The following RGS8 variants were observed in gnomAD, a reference collection of about 807,000 sequenced individuals.
The protein encoded by RGS8 is regulator of G-protein signaling 8.
Under a neutral mutation model 21.7 loss-of-function variants are expected in RGS8, and 8 were observed. That is an observed-to-expected ratio of 0.37 (90% CI 0.22 to 0.66). The LOEUF (loss-of-function observed/expected upper bound fraction) is 0.66. RGS8 is among the 30% of genes least tolerant of loss of function. The probability of loss-of-function intolerance (pLI) is 0.59; values close to 1 mark genes in which losing one functional copy is unlikely to be tolerated. For missense variants in RGS8, 157 were observed against 217.9 expected (o/e 0.72, Z 1.76); for synonymous variants, 80 against 83.6 (o/e 0.96, Z 0.24).
chr1:182,738,835 G>A, the RGS8 span, among the ~76,000 whole-genome samples: 1 of 152,214 alleles, frequency 6.6e-6, no homozygotes, highest in East Asian at 1.9e-4. Flanking sequence ...AGGGGTTAGG[G>A]CAGGGTGAAG....
intron 1 of RGS8, among the ~76,000 whole-genome samples, chr1:182,681,062 A>C (rs1664520085): frequency 6.6e-6 from 1 of 152,252 alleles, no homozygotes; most frequent in Non-Finnish European, 1.5e-5. Flanking sequence ...ATATATAAGT[A>C]AACATGGGCT....
chr1:182,707,941 C>T, the RGS8 span, among the ~76,000 whole-genome samples: 6 of 152,070 alleles, frequency 3.9e-5, no homozygotes, highest in Non-Finnish European at 5.9e-5. Context: ...CTCCTGACCT[C>T]GTGATCCACC....
At chr1:182,661,535 G>T (rs1285771639) in intron 5 of RGS8, among the ~76,000 whole-genome samples, 1 of 151,852 alleles carries the variant, frequency 6.6e-6, no homozygotes, top group Non-Finnish European at 1.5e-5. Flanking sequence ...GAGAAATAAG[G>T]GAAGGAAGGG....
upstream of RGS8, among the ~76,000 whole-genome samples, chr1:182,687,028 A>G (rs1488284591): frequency 6.6e-6 from 1 of 152,136 alleles, no homozygotes; most frequent in Non-Finnish European, 1.5e-5. Flanking sequence ...GAAAATGGCA[A>G]AAAGAATTTT....
chr1:182,689,295 ACAC>A (rs1178985525), upstream of RGS8, among the ~76,000 whole-genome samples: 7 of 148,890 alleles, frequency 4.7e-5, no homozygotes, highest in African/African-American at 1.8e-4. Context: ...ACACACACAC[ACAC>A]ACACACACCC....
At chr1:182,682,479 T>C (rs1222683977) in intron 1 of RGS8, among the ~76,000 whole-genome samples, 2 of 152,096 alleles carry the variant, frequency 1.3e-5, no homozygotes, top group African/African-American at 4.8e-5. Context: ...TGAGCCTCAA[T>C]TTGTTCTAGG....
At chr1:182,645,369 G>C (rs532827658), downstream of RGS8, 1 of 152,130 alleles carries the variant, frequency 6.6e-6, no homozygotes, top group Non-Finnish European at 1.5e-5. Context: ...TTCACTTTCC[G>C]GTCTCTCTGC....
At chr1:182,682,031 A>G (rs1664551625) in intron 1 of RGS8, among the ~76,000 whole-genome samples, 1 of 152,242 alleles carries the variant, frequency 6.6e-6, no homozygotes, top group Non-Finnish European at 1.5e-5. Context: ...AGGGGAAGCA[A>G]GAAAGCATTT....
the RGS8 span, among the ~76,000 whole-genome samples, chr1:182,711,087 A>C: frequency 3.9e-5 from 6 of 152,206 alleles, no homozygotes; most frequent in Non-Finnish European, 7.3e-5. Flanking sequence ...CCCAAGAAGG[A>C]GATCACACAA....
chr1:182,751,127 C>A, the RGS8 span, among the ~76,000 whole-genome samples: 1 of 152,124 alleles, frequency 6.6e-6, no homozygotes, highest in Admixed American at 6.5e-5. Context: ...GCAGGGGAAG[C>A]AACTTCATTT....
In RGS8 at chr1:182,671,319, T is replaced by C. The variant is rs532750397; in HGVS notation, c.-104+338A>G. 2.5e-4 allele frequency among the ~76,000 whole-genome samples: 38 copies of C among 152,310 alleles called. No individual in the cohort carries two copies. In the South Asian group the frequency reaches 3.7e-3, roughly 15 times the overall value. The stretch of plus-strand genomic sequence containing the variant: ...AGCACCTCAGGGCTTTTATCCCATT[T>C]GGCCCTGGACTTCTGAGAGTTAGGA... On this transcript the variant is annotated intron_variant, in intron 2 of 6. Coordinates refer to ENST00000483095, the Ensembl canonical transcript of RGS8.
the RGS8 span, among the ~76,000 whole-genome samples, chr1:182,733,239 CAA>C: frequency 6.6e-6 from 1 of 152,170 alleles, no homozygotes; most frequent in Non-Finnish European, 1.5e-5. Flanking sequence ...AATTTTGCAG[CAA>C]GATTATTTGT....
upstream of RGS8, among the ~76,000 whole-genome samples, chr1:182,685,199 C>T (rs1664672539): frequency 6.6e-6 from 1 of 152,238 alleles, no homozygotes; most frequent in Admixed American, 6.5e-5. Flanking sequence ...GACCACCTGC[C>T]CATCCTGTGG....
chr1:182,654,710 T>TAA (rs372984593), intron 5 of RGS8, among the ~76,000 whole-genome samples: 85 of 149,054 alleles, frequency 5.7e-4, no homozygotes, highest in African/African-American at 2.1e-3. Flanking sequence ...AAGAATGTGA[T>TAA]AAAAAAAAAA....
chr1:182,710,343 G>A, the RGS8 span, among the ~76,000 whole-genome samples: 1 of 152,158 alleles, frequency 6.6e-6, no homozygotes, highest in Admixed American at 6.5e-5. Flanking sequence ...TAAGGTAGCA[G>A]GGACACCCCT....
intron 2 of RGS8, 108 bp from the exon 4 acceptor site, chr1:182,669,860 C>T (rs1184126294): frequency 1.6e-6 from 2 of 1,238,360 alleles, no homozygotes; most frequent in Non-Finnish European, 2.2e-6. Context: ...CACACACATC[C>T]CCCCAGCCCC....
At chr1:182,685,964 C>T (rs994397571), upstream of RGS8, among the ~76,000 whole-genome samples, 70 of 152,276 alleles carry the variant, frequency 4.6e-4, no homozygotes, top group African/African-American at 1.7e-3. Flanking sequence ...ACTCACAGAG[C>T]TCTGCGGAAA....
At chr1:182,704,809 C>T in the RGS8 span, among the ~76,000 whole-genome samples, 61 of 152,224 alleles carry the variant, frequency 4.0e-4, 1 homozygote, top group African/African-American at 1.4e-3. Context: ...GTGAAGAATT[C>T]GCACAAGACA....
At chr1:182,653,990 C>T (rs1423366306) in intron 5 of RGS8, among the ~76,000 whole-genome samples, 1 of 139,966 alleles carries the variant, frequency 7.1e-6, no homozygotes, top group Non-Finnish European at 1.5e-5. Flanking sequence ...ATTTAGGATG[C>T]GGGGCAAGGA....
Sources: allele counts gnomAD v4.1 joint callset (sites outside exome capture counted in the v4.1 genomes callset), GRCh38; gene constraint gnomAD v4.1.1; transcripts MANE v1.5; gene names NCBI Gene and HGNC (gene_info 2026-07-23, HGNC 2026-07-21).